TTC16: variants seen among roughly 807,000 people sequenced by gnomAD.
TTC16 encodes tetratricopeptide repeat domain 16.
TTC16 carries 66 observed loss-of-function variants against 80.4 expected under a neutral mutation model. That is an observed-to-expected ratio of 0.82 (90% confidence interval 0.67 to 1.01). The LOEUF (loss-of-function observed/expected upper bound fraction) is 1.01, where lower values mean the gene tolerates loss of function less well. Ranked by LOEUF, TTC16 falls within the 50% of genes least tolerant of loss-of-function variation. The probability of loss-of-function intolerance (pLI) is 0.00; values close to 1 mark genes in which losing one functional copy is unlikely to be tolerated. For synonymous variants in TTC16, 438 were observed against 451.3 expected, an observed-to-expected ratio of 0.97 and a Z score of 0.37; for missense variants, 1,070 against 1,103.2, an observed-to-expected ratio of 0.97 and a Z score of 0.43.
intron 13 of TTC16, 181 bp from the exon 14 acceptor site, chr9:127,730,455 G>T: frequency 3.5e-6 from 3 of 847,504 alleles, no homozygotes; most frequent in Non-Finnish European, 5.3e-6. Context: ...CCATCTCACA[G>T]CCCCACCCCT....
intron 3 of TTC16, 79 bp from the exon 4 acceptor site, chr9:127,717,549 CA>C: frequency 6.3e-7 from 1 of 1,583,986 alleles, no homozygotes. Flanking sequence ...TGTCAACTCT[CA>C]GGGGGGTGGA....
rs1844072103 is a variant in TTC16, at chr9:127,727,430, G to A, written c.1729G>A (p.Glu577Lys). The A allele has an allele frequency of 1.9e-6, 3 of 1,603,720 alleles. No homozygotes were observed. Among genetic ancestry groups the A allele is most frequent in the Admixed American group, 1.7e-5 (1 of 58,070 alleles). The stretch of plus-strand genomic sequence containing the variant: ...CTCAGAGGGAGAGGCTGAGGCCCCT[G>A]AGGAGGAGGAAGAAAAGGAGAAGGA... ...GSSEGEAEAP[E>K]EEEEKEKEKK... is the part of the protein sequence containing the mutation. The change falls in exon 12 of 14, where the codon GAG becomes AAG. Residue 577 changes from glutamate (E) to lysine (K), a missense_variant. By Grantham distance (56) the Glu-to-Lys change is moderately conservative. Transcript: ENST00000373289.
In TTC16 at chr9:127,731,164, G is replaced by A. The variant is rs373707360; in HGVS notation, c.2381G>A (p.Arg794Gln). 21 of 1,612,268 alleles carry A rather than the reference G, an allele frequency of 1.3e-5. 1 individual carries two copies. The East Asian group carries it at 1.8e-4, about 14-fold the overall frequency. ...AGCAAGGTTGATGCCACCCAGGGCC[G>A]AAGCAGGGGACTGCTCCGAAGTTCC... is the stretch of plus-strand genomic sequence containing the variant. ...RPSKVDATQG[R>Q]SRGLLRSSTK... is the part of the protein sequence containing the mutation. Residue 794 changes from arginine (R) to glutamine (Q), a missense_variant, in exon 14 of 14, where the codon CGA becomes CAA. Physicochemically the swap from Arg to Gln is conservative, Grantham distance 43. Coordinates refer to ENST00000373289, the MANE Select transcript of TTC16 (RefSeq NM_144965.3).
chr9:127,720,226 C>T, intron 5 of TTC16, 40 bp from the exon 6 acceptor site: 1 of 1,613,338 alleles, frequency 6.2e-7, no homozygotes, highest in East Asian at 2.2e-5. Flanking sequence ...TTCCTGCCGC[C>T]CCACCCGGGA....
chr9:127,729,469 C>T (rs1844213842), intron 12 of TTC16, 112 bp from the exon 13 acceptor site: 3 of 849,904 alleles, frequency 3.5e-6, no homozygotes, highest in South Asian at 1.5e-5. Flanking sequence ...CCTTCAAAGA[C>T]CTCCAAGCTC....
At chr9:127,720,430 C>A in intron 6 of TTC16, 35 bp downstream of exon 6, 4 of 1,609,688 alleles carry the variant, frequency 2.5e-6, no homozygotes, top group Non-Finnish European at 3.4e-6. Flanking sequence ...GCATGCCCCC[C>A]AACCTGGGAG....
At chr9:127,723,968 C>T (rs535882045) in intron 7 of TTC16, 152 bp from the exon 8 acceptor site, 75 of 1,147,664 alleles carry the variant, frequency 6.5e-5, no homozygotes, top group Non-Finnish European at 7.0e-5. Flanking sequence ...GCTGGCCCCA[C>T]GGGACAAACC....
At chr9:127,724,448 C>G in intron 8 of TTC16, 84 bp downstream of exon 8, 1 of 1,531,180 alleles carries the variant, frequency 6.5e-7, no homozygotes. Context: ...CTTGAGGCCC[C>G]TGGGGGGAAG....
intron 9 of TTC16, 134 bp downstream of exon 9, chr9:127,725,031 C>A: frequency 9.0e-7 from 1 of 1,107,164 alleles, no homozygotes; most frequent in Non-Finnish European, 1.2e-6. Flanking sequence ...CTGTAATCCC[C>A]ACGCAGGTGG....
At chr9:127,719,793 T>C (rs1843309538) in intron 4 of TTC16, among the ~76,000 whole-genome samples, 1 of 152,230 alleles carries the variant, frequency 6.6e-6, no homozygotes, top group African/African-American at 2.4e-5. Context: ...CAACCATGTC[T>C]GGCTCAGCTA....
Position 127,731,558 on chromosome 9 carries a change from T to C in TTC16, c.*153T>C. On this transcript the variant is annotated 3_prime_UTR_variant, in exon 14 of 14. Coordinates refer to ENST00000373289, the MANE Select transcript of TTC16 (RefSeq NM_144965.3). ...ACAGCTGAGTTTATTATACTTGTTT[T>C]CTTTTACAAAATTAAAAACATCTAA... is the stretch of plus-strand genomic sequence containing the variant. The C allele has an allele frequency of 7.1e-7, 1 of 1,417,386 alleles. No homozygotes were observed. The highest frequency in any genetic ancestry group is 9.2e-7 in the Non-Finnish European group (1 of 1,084,930). 87.8% of individuals were successfully genotyped at this position (1,417,386 alleles called of 1,614,324 possible). A position where few individuals can be genotyped will look rare whatever the true frequency, so the allele number is the denominator to read the frequency against.
Position 127,722,611 on chromosome 9 carries a change from G to T in TTC16, c.658-508G>T, listed in dbSNP as rs1376042767. 6.6e-6 allele frequency among the ~76,000 whole-genome samples: 1 copy of T among 152,126 alleles called. No individual in the cohort carries two copies. On this transcript the variant is annotated intron_variant, in intron 6 of 13. Coordinates refer to ENST00000373289, the MANE Select transcript of TTC16 (RefSeq NM_144965.3). This position sits in a 1 kb window ranked among gnomAD's most constrained non-coding sequence, Gnocchi z 4.2. ...AGGTCACATCTGGAAAGGGCCAGCT[G>T]GCATGGGGCCTGGGATGGAATTTCT...
chr9:127,717,130 A>C, intron 2 of TTC16, 114 bp downstream of exon 2: 1 of 1,393,974 alleles, frequency 7.2e-7, no homozygotes, highest in South Asian at 1.2e-5. Context: ...CAACTGTCTA[A>C]TGGGGCTCTT....
At position 127,725,003 on chromosome 9, in the gene TTC16, G is replaced by C. The variant is rs113106236; in HGVS notation, c.1259+106G>C. On this transcript the variant is annotated intron_variant, in intron 9 of 13. Coordinates refer to ENST00000373289, the MANE Select transcript of TTC16 (RefSeq NM_144965.3). Reference sequence around the variant, plus strand: ...GGTCAATCAAGCTGCTTCTCTCCTCGGGGGCGATGGCTCATCCCTGTAATC... The same window carrying C: ...GGTCAATCAAGCTGCTTCTCTCCTCCGGGGCGATGGCTCATCCCTGTAATC... 1.8e-3 allele frequency: 2,348 copies of C among 1,336,832 alleles called. 3 individuals carry two copies. Among genetic ancestry groups the C allele is most frequent in the African/African-American group, 6.4e-3 (428 of 66,376 alleles). The allele number at this position is 1,336,832 out of a possible 1,614,324, so 82.8% of individuals were successfully genotyped here.
In TTC16 at chr9:127,724,828, A is replaced by C; in HGVS notation, c.1190A>C (p.Gln397Pro). ...DYQQALALSP[Q>P]DEGANTRMGL... ...CAGCAGGCGCTGGCGCTGAGCCCTCAGGACGAGGGCGCCAACACGCGCATG... is the reference window on the plus strand; with the variant it reads ...CAGCAGGCGCTGGCGCTGAGCCCTCCGGACGAGGGCGCCAACACGCGCATG... The change falls in exon 9 of 14, where the codon CAG (glutamine) becomes CCG (proline). Residue 397 changes from glutamine to proline, a missense_variant. Physicochemically the swap from Gln to Pro is moderately conservative, Grantham distance 76. Transcript: ENST00000373289. 1 of 1,605,168 alleles carries C rather than the reference A, an allele frequency of 6.2e-7. No homozygotes were observed. Among genetic ancestry groups the C allele is most frequent in the Non-Finnish European group, 8.5e-7 (1 of 1,176,798 alleles).
chr9:127,716,634 G>A, intron 1 of TTC16: 1 of 625,376 alleles, frequency 1.6e-6, no homozygotes, highest in South Asian at 2.0e-5. Flanking sequence ...CTTGACCACA[G>A]GAGAGGGAGA....
chr9:127,716,897 G>T lies in TTC16; in HGVS notation c.72G>T (p.Val24=). Residue 24 remains valine, a synonymous_variant, in exon 2 of 14, where the codon GTG becomes GTT. Coordinates refer to ENST00000373289, the MANE Select transcript of TTC16 (RefSeq NM_144965.3). ...GPSRDIPKPW[V]IPAPKGILQH... The stretch of plus-strand genomic sequence containing the variant: ...CACGGGACATCCCAAAGCCATGGGT[G>T]ATTCCAGCCCCCAAAGGGATCCTGC... The T allele has an allele frequency of 6.2e-7, 1 of 1,614,076 alleles. No homozygotes were observed. Among genetic ancestry groups the T allele is most frequent in the East Asian group, 2.2e-5 (1 of 44,880 alleles).
intron 7 of TTC16, 82 bp downstream of exon 7, chr9:127,723,415 C>T (rs926887447): frequency 5.1e-6 from 7 of 1,368,116 alleles, no homozygotes; most frequent in South Asian, 1.3e-5. Context: ...GAGTCCCTGA[C>T]CCTCTCTGGG....
At chr9:127,717,903 C>G (rs559778386) in intron 4 of TTC16, 131 bp downstream of exon 4, 1 of 1,200,068 alleles carries the variant, frequency 8.3e-7, no homozygotes. Context: ...CCCGCTGCCC[C>G]TCTCACCTCC....
Sources: gnomAD v4.1 joint callset for allele counts (sites outside exome capture counted in the v4.1 genomes callset) on GRCh38, gnomAD v4.1.1 for gene constraint, Gnocchi (gnomAD v3.1) non-coding constraint, MANE v1.5 for transcripts, NCBI Gene and HGNC (gene_info 2026-07-23, HGNC 2026-07-21) for gene names.